Variants in EPHA4 observed in about 807,000 individuals in gnomAD.
EPHA4 encodes the protein ephrin type-A receptor 4.
A neutral mutation model predicts 108.3 loss-of-function variants in EPHA4; 19 were observed. The ratio of observed to expected loss-of-function variants is 0.18; its 90% CI spans 0.12 to 0.26. The LOEUF is 0.26. Among genes scored for constraint, EPHA4 ranks in the 10% least tolerant of loss-of-function variants. EPHA4 has a pLI of 1.00. For synonymous variants in EPHA4, 449 were observed against 455.5 expected, an observed-to-expected ratio of 0.99 and a Z score of 0.18; for missense variants, 917 against 1,254.0, an observed-to-expected ratio of 0.73 and a Z score of 4.06.
chr2:221,449,454 T>C (rs993441104), intron 8 of EPHA4, among the ~76,000 whole-genome samples: 1 of 152,212 alleles, frequency 6.6e-6, no homozygotes, highest in African/African-American at 2.4e-5. Context: ...GACAAGCTGA[T>C]TAAAACTGGG....
intron 3 of EPHA4, among the ~76,000 whole-genome samples, chr2:221,526,275 T>C (rs189513431): frequency 6.6e-6 from 1 of 151,876 alleles, no homozygotes; most frequent in Non-Finnish European, 1.5e-5. Flanking sequence ...AAGACACTTA[T>C]GAATAAGGAA....
In EPHA4 at chr2:221,447,590, C is replaced by T. The variant is rs115398027; in HGVS notation, c.1716-1409G>A. ...CCCTCAGAGCCTACAGATGTTTCTC[C>T]GTGGGGATAATTCCCTGGCAAATAA... On this transcript the variant is annotated intron_variant, in intron 8 of 17. Coordinates refer to ENST00000281821, the MANE Select transcript of EPHA4 (RefSeq NM_004438.5). Among the ~76,000 whole-genome samples, 284 of 152,244 alleles carry T rather than the reference C, an allele frequency of 1.9e-3. 2 individuals carry two copies. The highest frequency in any genetic ancestry group is 3.2e-3 in the Non-Finnish European group (216 of 68,016).
chr2:221,436,695 G>T lies in EPHA4; in HGVS notation c.2137-87C>A, dbSNP rs1328957080. The T allele has an allele frequency of 6.7e-6, 9 of 1,333,738 alleles. No homozygotes were observed. In the African/African-American group the frequency reaches 1.0e-4, roughly 15 times the overall value. 82.6% of individuals were successfully genotyped at this position (1,333,738 alleles called of 1,614,324 possible). Reference sequence around the variant, plus strand: ...GCATTTATTACTTGAATCTTTTTGGGTATCTGTATCCGGTATGCAATGAAA... The same window carrying T: ...GCATTTATTACTTGAATCTTTTTGGTTATCTGTATCCGGTATGCAATGAAA... On this transcript the variant is annotated intron_variant, in intron 12 of 17. Coordinates refer to ENST00000281821, the MANE Select transcript of EPHA4 (RefSeq NM_004438.5).
intron 4 of EPHA4, among the ~76,000 whole-genome samples, chr2:221,491,235 C>T (rs1052631880): frequency 1.3e-5 from 2 of 152,150 alleles, no homozygotes; most frequent in African/African-American, 4.8e-5. Context: ...CACAAGAAAG[C>T]TACCACGCCA....
intron 3 of EPHA4, among the ~76,000 whole-genome samples, chr2:221,510,718 A>G (rs933494429): frequency 6.6e-6 from 1 of 152,228 alleles, no homozygotes; most frequent in African/African-American, 2.4e-5. Flanking sequence ...ATTAAACACA[A>G]ACAAAAAGAA....
At chr2:221,494,095 A>G (rs1284816449) in intron 4 of EPHA4, among the ~76,000 whole-genome samples, 1 of 152,186 alleles carries the variant, frequency 6.6e-6, no homozygotes, top group Non-Finnish European at 1.5e-5. Flanking sequence ...GGCTCTAAGA[A>G]GTTTCATCAA....
At chr2:221,449,098 G>C (rs925773077) in intron 8 of EPHA4, among the ~76,000 whole-genome samples, 20 of 152,066 alleles carry the variant, frequency 1.3e-4, no homozygotes, top group African/African-American at 4.8e-4. Flanking sequence ...ATTTGGAGGA[G>C]AGGACCCTTA....
intron 4 of EPHA4, among the ~76,000 whole-genome samples, chr2:221,483,340 C>T (rs575497192): frequency 6.6e-6 from 1 of 152,002 alleles, no homozygotes; most frequent in Non-Finnish European, 1.5e-5. Context: ...TCGTGCATTC[C>T]CAGCAACATC....
At chr2:221,514,773 T>C (rs531242779) in intron 3 of EPHA4, among the ~76,000 whole-genome samples, 86 of 152,254 alleles carry the variant, frequency 5.6e-4, no homozygotes, top group African/African-American at 1.9e-3. Context: ...ATATTAATCA[T>C]AATAAAAACA....
At chr2:221,424,509 G>T (rs763968596) in intron 17 of EPHA4, among the ~76,000 whole-genome samples, 2 of 151,752 alleles carry the variant, frequency 1.3e-5, no homozygotes, top group Non-Finnish European at 2.9e-5. Context: ...GTTAAAATGT[G>T]TCCAGTCCAA....
intron 3 of EPHA4, among the ~76,000 whole-genome samples, chr2:221,530,251 G>T (rs2106182260): frequency 6.6e-6 from 1 of 151,638 alleles, no homozygotes; most frequent in East Asian, 1.9e-4. Context: ...ACATGTCTCA[G>T]CAAGTCGCCA....
chr2:221,450,813 G>A (rs546000165), intron 8 of EPHA4, among the ~76,000 whole-genome samples: 3 of 152,170 alleles, frequency 2.0e-5, no homozygotes, highest in Non-Finnish European at 2.9e-5. Flanking sequence ...CATGTGCCTG[G>A]TTATCAGTAA....
At chr2:221,547,151 T>C (rs1694021520) in intron 3 of EPHA4, among the ~76,000 whole-genome samples, 1 of 152,218 alleles carries the variant, frequency 6.6e-6, no homozygotes, top group Non-Finnish European at 1.5e-5. Flanking sequence ...TTTCTTCTTA[T>C]TACTTAAATG....
intron 15 of EPHA4, 127 bp downstream of exon 15, chr2:221,429,831 G>A (rs911723536): frequency 6.1e-5 from 57 of 941,106 alleles, no homozygotes; most frequent in Non-Finnish European, 9.0e-5. Context: ...TGAGAAAGAA[G>A]CCACCCAGGT....
rs906459212 is a variant in EPHA4 at position 221,419,768 on chromosome 2, A to C, written c.*1604T>G. On this transcript the variant is annotated 3_prime_UTR_variant, in exon 18 of 18. Transcript: ENST00000281821. ...ACACGTGTAGATACAGGATGCGTGTAGATACAGGATGCTGAACATCTCTGG... is the reference window on the plus strand; with the variant it reads ...ACACGTGTAGATACAGGATGCGTGTCGATACAGGATGCTGAACATCTCTGG... 1.3e-5 allele frequency: 2 copies of C among 152,498 alleles called. No individual in the cohort carries two copies. Among genetic ancestry groups the C allele is most frequent in the African/African-American group, 4.8e-5 (2 of 41,396 alleles). The allele number at this position is 152,498 out of a possible 1,614,324, so 9.4% of individuals were successfully genotyped here. A position where few individuals can be genotyped will look rare whatever the true frequency, so the allele number is the denominator to read the frequency against.
At position 221,529,223 on chromosome 2, in the gene EPHA4, C is replaced by T. The variant is rs543741110; in HGVS notation, c.824-28051G>A. On this transcript the variant is annotated intron_variant, in intron 3 of 17. Coordinates refer to ENST00000281821, the MANE Select transcript of EPHA4 (RefSeq NM_004438.5). ...TTTCAGAAATGTTCAGTAGTGAAAG[C>T]ACTGAAAAATTCCAGGTCTCCACAG... is the stretch of plus-strand genomic sequence containing the variant. Among the ~76,000 whole-genome samples, 5 of 152,204 alleles carry T rather than the reference C, an allele frequency of 3.3e-5. No homozygotes were observed. In the East Asian group the frequency reaches 7.7e-4, roughly 24 times the overall value.
intron 14 of EPHA4, among the ~76,000 whole-genome samples, chr2:221,432,751 A>T (rs1690116394): frequency 6.7e-6 from 1 of 149,334 alleles, no homozygotes; most frequent in South Asian, 2.1e-4. Context: ...TCAAGCGATT[A>T]GCCTACCTCA....
intron 3 of EPHA4, among the ~76,000 whole-genome samples, chr2:221,507,999 C>T (rs1027394724): frequency 6.6e-6 from 1 of 152,142 alleles, no homozygotes; most frequent in Non-Finnish European, 1.5e-5. Flanking sequence ...TTATGATGGT[C>T]TGGTGAGTCC....
rs1246142102 is a variant in EPHA4, at chr2:221,442,712, TTCC to T, written c.2074+114_2074+116del. 7 of 1,066,856 alleles carry T rather than the reference TTCC, an allele frequency of 6.6e-6. No homozygotes were observed. The East Asian group carries it at 1.7e-4, about 26-fold the overall frequency. 66.1% of individuals were successfully genotyped at this position (1,066,856 alleles called of 1,614,324 possible). On this transcript the variant is annotated intron_variant, in intron 11 of 17. Transcript: ENST00000281821. ...GATTAATGACTTGTCCTGCACTGAT[TTCC>T]TCCTATTAGCAATCAGTGGGTCTGC... is the stretch of plus-strand genomic sequence containing the variant.
Sources: gnomAD v4.1 joint callset for allele counts (sites outside exome capture counted in the v4.1 genomes callset) on GRCh38, gnomAD v4.1.1 for gene constraint, MANE v1.5 for transcripts, NCBI Gene and HGNC (gene_info 2026-07-23, HGNC 2026-07-21) for gene names.